The following USP48 variants were observed in gnomAD, a reference collection of about 807,000 sequenced individuals.
The protein encoded by USP48 is ubiquitin carboxyl-terminal hydrolase 48.
In USP48, 43 loss-of-function variants were observed where a neutral mutation model predicts 150.7. The ratio of observed to expected loss-of-function variants is 0.29; its 90% CI spans 0.22 to 0.37. The LOEUF (loss-of-function observed/expected upper bound fraction) is 0.37. USP48 is among the 10% of genes least tolerant of loss of function. The pLI, the probability that USP48 is intolerant of heterozygous loss-of-function variation, is 1.00. For synonymous variants in USP48, 396 were observed against 425.9 expected (o/e 0.93, Z 0.86); for missense variants, 813 against 1,249.6 (o/e 0.65, Z 5.27).
At chr1:21,716,534 C>A (rs1262576625) in intron 14 of USP48, among the ~76,000 whole-genome samples, 1 of 152,184 alleles carries the variant, frequency 6.6e-6, no homozygotes, top group Non-Finnish European at 1.5e-5. Context: ...GACTGCAGTT[C>A]ACTGCAGGTT....
intron 6 of USP48, among the ~76,000 whole-genome samples, chr1:21,749,685 C>T (rs902459809): frequency 2.6e-5 from 4 of 152,100 alleles, no homozygotes; most frequent in Admixed American, 2.6e-4. Flanking sequence ...TAACTACAGC[C>T]TCAAACTCCT....
chr1:21,731,420 C>A (rs1443459182), intron 9 of USP48, among the ~76,000 whole-genome samples: 1 of 151,766 alleles, frequency 6.6e-6, no homozygotes, highest in South Asian at 2.1e-4. Flanking sequence ...TGTGTCACCA[C>A]GCCAGGGTAA....
At chr1:21,781,020 A>G (rs2097913075) in intron 1 of USP48, among the ~76,000 whole-genome samples, 1 of 150,642 alleles carries the variant, frequency 6.6e-6, no homozygotes, top group Non-Finnish European at 1.5e-5. Context: ...GATTACAGGC[A>G]TGAGCCACCG....
At chr1:21,756,813 A>G (rs1006518653) in intron 2 of USP48, 111 bp from the exon 3 acceptor site, 3 of 1,488,480 alleles carry the variant, frequency 2.0e-6, no homozygotes, top group Non-Finnish European at 2.7e-6. Context: ...CGTCACAACC[A>G]ACATGGTATA....
At chr1:21,772,657 C>A (rs1238104458) in intron 1 of USP48, among the ~76,000 whole-genome samples, 1 of 150,484 alleles carries the variant, frequency 6.6e-6, no homozygotes, top group East Asian at 2.0e-4. Flanking sequence ...CGTGGTGGCT[C>A]GCGCCTATAA....
chr1:21,701,916 T>C (rs557528853), intron 21 of USP48, among the ~76,000 whole-genome samples: 27 of 152,332 alleles, frequency 1.8e-4, no homozygotes, highest in East Asian at 1.5e-3. Context: ...TCGAAGGTGC[T>C]TGACACCTTC....
chr1:21,739,827 T>C (rs955819282), intron 8 of USP48, among the ~76,000 whole-genome samples: 22 of 152,234 alleles, frequency 1.4e-4, no homozygotes, highest in Admixed American at 1.4e-3. Context: ...CTCCACTCCC[T>C]GGGTTCTGGT....
chr1:21,745,084 T>C (rs866683025), intron 8 of USP48, among the ~76,000 whole-genome samples: 7 of 152,194 alleles, frequency 4.6e-5, no homozygotes, highest in African/African-American at 1.7e-4. Context: ...TGGTTTGTAT[T>C]TCTTTTCTTT....
chr1:21,765,390 C>A (rs1426690583), intron 1 of USP48, among the ~76,000 whole-genome samples: 2 of 152,024 alleles, frequency 1.3e-5, no homozygotes, highest in African/African-American at 2.4e-5. Flanking sequence ...TCGAGGCAGG[C>A]GGATCACTTG....
At chr1:21,750,317 T>C (rs1010635884) in intron 6 of USP48, among the ~76,000 whole-genome samples, 1 of 152,044 alleles carries the variant, frequency 6.6e-6, no homozygotes, top group African/African-American at 2.4e-5. Context: ...AGAACACTCT[T>C]CTCCTTGTTT....
At chr1:21,752,386 A>G in intron 5 of USP48, 141 bp downstream of exon 5, 2 of 1,022,422 alleles carry the variant, frequency 2.0e-6, no homozygotes, top group Middle Eastern at 5.8e-4. Flanking sequence ...ATATGTTCCC[A>G]TGGAAATGTA....
At chr1:21,734,543 T>C (rs1208450349) in intron 9 of USP48, among the ~76,000 whole-genome samples, 1 of 152,246 alleles carries the variant, frequency 6.6e-6, no homozygotes, top group Non-Finnish European at 1.5e-5. Context: ...GCTATGTTCC[T>C]GCCTACTGGA....
intron 1 of USP48, among the ~76,000 whole-genome samples, chr1:21,777,338 G>A (rs903218107): frequency 3.3e-5 from 5 of 151,810 alleles, no homozygotes; most frequent in Admixed American, 2.6e-4. Context: ...CTTGGGTGAG[G>A]TGTGGCTTCT....
intron 6 of USP48, among the ~76,000 whole-genome samples, chr1:21,749,937 T>C (rs946477056): frequency 1.1e-4 from 16 of 152,136 alleles, no homozygotes; most frequent in African/African-American, 3.9e-4. Context: ...TTAGAAAATA[T>C]ATCTAAAAGC....
At chr1:21,726,415 G>A (rs2097737302) in intron 11 of USP48, 1 of 152,196 alleles carries the variant, frequency 6.6e-6, no homozygotes, top group Non-Finnish European at 1.5e-5. Context: ...GAAAAACTAT[G>A]TACGGTTTTA....
Position 21,728,137 on chromosome 1 carries a change from A to G in USP48, c.1450+433T>C, listed in dbSNP as rs2097744675. 5 of 986,822 alleles carry G rather than the reference A, an allele frequency of 5.1e-6. No homozygotes were observed. In the South Asian group the frequency reaches 2.3e-4, roughly 46 times the overall value. The allele number at this position is 986,822 out of a possible 1,614,324, so 61.1% of individuals were successfully genotyped here. On this transcript the variant is annotated intron_variant, in intron 11 of 26. Coordinates refer to ENST00000308271, the MANE Select transcript of USP48 (RefSeq NM_032236.8). ...AGCATAATATTTGGTATTAAACTTC[A>G]AGTTAATCTAATAGTATCAAAAAAA...
At chr1:21,763,553 C>T (rs2097854968) in intron 1 of USP48, among the ~76,000 whole-genome samples, 1 of 152,194 alleles carries the variant, frequency 6.6e-6, no homozygotes, top group South Asian at 2.1e-4. Context: ...GTGGCTCACG[C>T]CTATAATCCC....
At position 21,721,971 on chromosome 1, in the gene USP48, A is replaced by G. The variant is rs1027609205; in HGVS notation, c.1649-207T>C. On this transcript the variant is annotated intron_variant, in intron 12 of 26. Coordinates refer to ENST00000308271, the MANE Select transcript of USP48 (RefSeq NM_032236.8). The stretch of plus-strand genomic sequence containing the variant: ...AATACTGTTATCTGAATAAAGAACA[A>G]TGAGAGACAAAATGTTGTATTACAT... Among the ~76,000 whole-genome samples the G allele has an allele frequency of 9.2e-5, 14 of 152,220 alleles. No homozygotes were observed. In the South Asian group the frequency reaches 1.0e-3, roughly 11 times the overall value.
chr1:21,688,939 G>C (rs1354295734), intron 24 of USP48, among the ~76,000 whole-genome samples: 1 of 151,332 alleles, frequency 6.6e-6, no homozygotes. Flanking sequence ...ATTAAGTCGT[G>C]TATTTTGACT....
Sources: gnomAD v4.1 joint callset for allele counts (sites outside exome capture counted in the v4.1 genomes callset) on GRCh38, gnomAD v4.1.1 for gene constraint, MANE v1.5 for transcripts, NCBI Gene and HGNC (gene_info 2026-07-23, HGNC 2026-07-21) for gene names.